The following PTPRC variants were observed in gnomAD, a reference collection of about 807,000 sequenced individuals.
PTPRC encodes the protein receptor-type tyrosine-protein phosphatase C.
In PTPRC, 44 loss-of-function variants were observed where a neutral mutation model predicts 155.9. That is an observed-to-expected ratio of 0.28 (90% CI 0.22 to 0.36). The LOEUF (loss-of-function observed/expected upper bound fraction) is 0.36. Ranked by LOEUF, PTPRC falls within the 10% of genes least tolerant of loss-of-function variation. The probability of loss-of-function intolerance (pLI) is 1.00; values close to 1 mark genes in which losing one functional copy is unlikely to be tolerated. For missense variants in PTPRC, 1,401 were observed against 1,564.6 expected, an observed-to-expected ratio of 0.90 and a Z score of 1.76; for synonymous variants, 525 against 533.1, an observed-to-expected ratio of 0.98 and a Z score of 0.21.
intron 26 of PTPRC, among the ~76,000 whole-genome samples, chr1:198,746,690 G>C (rs1021049049): frequency 2.0e-5 from 3 of 151,830 alleles, no homozygotes; most frequent in Non-Finnish European, 2.9e-5. Flanking sequence ...AAGTGAAACA[G>C]GTAGAGATTT....
At chr1:198,740,919 T>C (rs181374371) in intron 23 of PTPRC, among the ~76,000 whole-genome samples, 4 of 151,982 alleles carry the variant, frequency 2.6e-5, no homozygotes, top group East Asian at 3.9e-4. Context: ...TTTTGTATAG[T>C]CTAGCTATAT....
intron 25 of PTPRC, 150 bp downstream of exon 25, chr1:198,742,517 C>G (rs1654951157): frequency 1.0e-6 from 1 of 985,996 alleles, no homozygotes; most frequent in Non-Finnish European, 1.5e-6. Context: ...TGGTAATCAC[C>G]AGAAATACTT....
chr1:198,645,513 A>G (rs1662893797), intron 2 of PTPRC, among the ~76,000 whole-genome samples: 1 of 151,760 alleles, frequency 6.6e-6, no homozygotes, highest in Non-Finnish European at 1.5e-5. Flanking sequence ...ATCAATTTTC[A>G]CCCTTGAGAC....
rs563259742 is a variant in PTPRC at position 198,727,011 on chromosome 1, C to T, written c.1721-1329C>T. ...CCAAGTAGTTGGCATTACAGACACA[C>T]ACCATGCCTGGCTAATTTTTTGTAT... On this transcript the variant is annotated intron_variant, in intron 15 of 32. Transcript: ENST00000442510. Among the ~76,000 whole-genome samples, 281 of 152,024 alleles carry T rather than the reference C, an allele frequency of 1.8e-3. 2 individuals carry two copies. The highest frequency in any genetic ancestry group is 6.5e-3 in the African/African-American group (271 of 41,492).
Position 198,712,973 on chromosome 1 carries a change from A to G in PTPRC, c.1192A>G (p.Ile398Val). Reference sequence around the variant, plus strand: ...AACAGGTCCAGGAGAGCCTCAGATTATTTTTTGTAGAAGTGAAGCTGCACA... The same window carrying G: ...AACAGGTCCAGGAGAGCCTCAGATTGTTTTTTGTAGAAGTGAAGCTGCACA... Reference protein sequence around the residue: ...DFGSPGEPQIIFCRSEAAHQG... With the variant: ...DFGSPGEPQIVFCRSEAAHQG... Residue 398 changes from isoleucine (I) to valine (V), a missense_variant, in exon 12 of 33, where the codon ATT (isoleucine) becomes GTT (valine). By Grantham distance (29) the Ile-to-Val change is conservative. Coordinates refer to ENST00000442510, the MANE Select transcript of PTPRC (RefSeq NM_002838.5). 6.2e-7 allele frequency: 1 copy of G among 1,613,418 alleles called. No homozygotes were observed. Among genetic ancestry groups the G allele is most frequent in the Non-Finnish European group, 8.5e-7 (1 of 1,179,444 alleles).
intron 2 of PTPRC, among the ~76,000 whole-genome samples, chr1:198,648,585 A>C (rs997440547): frequency 6.6e-6 from 1 of 151,826 alleles, no homozygotes; most frequent in African/African-American, 2.4e-5. Context: ...TGACATATGC[A>C]TGTAAGTTCA....
At chr1:198,666,819 A>G (rs1664338503) in intron 2 of PTPRC, among the ~76,000 whole-genome samples, 2 of 152,200 alleles carry the variant, frequency 1.3e-5, no homozygotes, top group African/African-American at 4.8e-5. Context: ...GAGGATGAGT[A>G]TAAGATACCT....
At chr1:198,647,890 T>C (rs1197226186) in intron 2 of PTPRC, among the ~76,000 whole-genome samples, 2 of 151,852 alleles carry the variant, frequency 1.3e-5, no homozygotes, top group Non-Finnish European at 2.9e-5. Flanking sequence ...GGAGATGGTG[T>C]TTTAAATCTT....
In PTPRC at chr1:198,718,272, T is replaced by C. The variant is rs776473656; in HGVS notation, c.1629T>C (p.Asp543=). 1 of 1,613,628 alleles carries C rather than the reference T, an allele frequency of 6.2e-7. No individual in the cohort carries two copies. ...SHKNCDFRVK[D]LQYSTDYTFK... ...AGAATTGCGATTTCCGTGTAAAAGATCTTCAATATTCAACAGACTACACTT... is the reference window on the plus strand; with the variant it reads ...AGAATTGCGATTTCCGTGTAAAAGACCTTCAATATTCAACAGACTACACTT... The change falls in exon 14 of 33, where the codon GAT becomes GAC. Residue 543 remains aspartate (D), a synonymous_variant. Coordinates refer to ENST00000442510, the MANE Select transcript of PTPRC (RefSeq NM_002838.5).
chr1:198,735,950 G>A (rs901250624), intron 23 of PTPRC, among the ~76,000 whole-genome samples: 1 of 151,566 alleles, frequency 6.6e-6, no homozygotes, highest in African/African-American at 2.4e-5. Context: ...ACTATTTAGT[G>A]AATGTAATAT....
rs1192663498 is a variant in PTPRC at position 198,756,856 on chromosome 1, A to AG, written c.*676dup. ...AAGCTTATTTAATTAAAAAATTTCC[A>AG]GTGAGCTTATCATGCTGTCTTTACA... On this transcript the variant is annotated 3_prime_UTR_variant, in exon 33 of 33. Coordinates refer to ENST00000442510, the MANE Select transcript of PTPRC (RefSeq NM_002838.5). 2.0e-5 allele frequency: 3 copies of AG among 151,962 alleles called. No homozygotes were observed. Among genetic ancestry groups the AG allele is most frequent in the Non-Finnish European group, 4.4e-5 (3 of 67,906 alleles). 9.4% of individuals were successfully genotyped at this position (151,962 alleles called of 1,614,324 possible). A position where few individuals can be genotyped will look rare whatever the true frequency, so the allele number is the denominator to read the frequency against.
At chr1:198,737,818 G>A (rs1219861360) in intron 23 of PTPRC, among the ~76,000 whole-genome samples, 2 of 151,456 alleles carry the variant, frequency 1.3e-5, no homozygotes, top group Non-Finnish European at 3.0e-5. Context: ...CATTTTTTAT[G>A]TCCTCTTCAA....
chr1:198,687,170 T>C (rs1178393250), intron 2 of PTPRC, among the ~76,000 whole-genome samples: 1 of 152,156 alleles, frequency 6.6e-6, no homozygotes, highest in Non-Finnish European at 1.5e-5. Context: ...TTTTTGTATT[T>C]TAAGTAGAGA....
At chr1:198,688,706 A>G (rs1665766039) in intron 2 of PTPRC, among the ~76,000 whole-genome samples, 1 of 152,232 alleles carries the variant, frequency 6.6e-6, no homozygotes, top group Non-Finnish European at 1.5e-5. Context: ...ACTTGCAGCC[A>G]AATTATGATT....
chr1:198,738,314 G>C (rs1235900749), intron 23 of PTPRC, among the ~76,000 whole-genome samples: 1 of 151,566 alleles, frequency 6.6e-6, no homozygotes, highest in East Asian at 1.9e-4. Flanking sequence ...ATTCTGTTGA[G>C]GTATATTCCT....
At chr1:198,744,342 C>A in intron 26 of PTPRC, 139 bp downstream of exon 26, 1 of 844,120 alleles carries the variant, frequency 1.2e-6, no homozygotes, top group Non-Finnish European at 1.9e-6. Context: ...GATGAGAAAA[C>A]TAGGACACAG....
chr1:198,743,585 AT>A (rs1655011233), intron 25 of PTPRC, among the ~76,000 whole-genome samples: 1 of 151,904 alleles, frequency 6.6e-6, no homozygotes, highest in African/African-American at 2.4e-5. Context: ...TTACAAAAAA[AT>A]AATTTTCTTA....
chr1:198,656,639 G>GTTTTTTTTTTTTTTTTTTTTTTT (rs201088832), intron 2 of PTPRC, among the ~76,000 whole-genome samples: 1 of 85,144 alleles, frequency 1.2e-5, no homozygotes, highest in African/African-American at 5.2e-5. Flanking sequence ...AGGGCTACTA[G>GTTTTTTTTTTTTTTTTTTTTTTT]TTTTTTGTTT....
intron 2 of PTPRC, among the ~76,000 whole-genome samples, chr1:198,647,089 C>G (rs1355818239): frequency 6.6e-6 from 1 of 151,804 alleles, no homozygotes; most frequent in Non-Finnish European, 1.5e-5. Flanking sequence ...TTCCTTCTCT[C>G]CACATCTTTT....
Sources: gnomAD v4.1 joint callset for allele counts (sites outside exome capture counted in the v4.1 genomes callset) on GRCh38, gnomAD v4.1.1 for gene constraint, MANE v1.5 for transcripts, NCBI Gene and HGNC (gene_info 2026-07-23, HGNC 2026-07-21) for gene names.